KLF7: variants seen among roughly 807,000 people sequenced by gnomAD.
The protein encoded by KLF7 is Krueppel-like factor 7.
A neutral mutation model predicts 27.3 loss-of-function variants in KLF7; 2 were observed. That is an observed-to-expected ratio of 0.07 (90% CI 0.03 to 0.23). The LOEUF is 0.23. Among genes scored for constraint, KLF7 ranks in the 10% least tolerant of loss-of-function variants. The pLI is 1.00. For missense variants in KLF7, 221 were observed against 394.1 expected, an observed-to-expected ratio of 0.56 and a Z score of 3.72; for synonymous variants, 165 against 162.4, an observed-to-expected ratio of 1.02 and a Z score of -0.12.
At chr2:207,157,370 A>AGCATCATCT (rs1278077074) in intron 1 of KLF7, among the ~76,000 whole-genome samples, 1 of 152,126 alleles carries the variant, frequency 6.6e-6, no homozygotes. Context: ...CCCATTTGAA[A>AGCATCATCT]GTTAAGGAAT....
At position 207,074,766 on chromosome 2, in the gene KLF7, C is replaced by A. The variant is rs1443986736; in HGVS notation, c.*6447G>T. On this transcript the variant is annotated 3_prime_UTR_variant, in exon 4 of 4. Coordinates refer to ENST00000309446, the MANE Select transcript of KLF7 (RefSeq NM_003709.4). ...ACCGCTTTCAATAAGCCTCTCCCAACCCCCTAAACAAATAACATCTTGTAA... is the reference window on the plus strand; with the variant it reads ...ACCGCTTTCAATAAGCCTCTCCCAAACCCCTAAACAAATAACATCTTGTAA... 1.3e-5 allele frequency: 2 copies of A among 152,178 alleles called. No individual in the cohort carries two copies. The highest frequency in any genetic ancestry group is 2.4e-5 in the African/African-American group (1 of 41,452). The allele number at this position is 152,178 out of a possible 1,614,324, so 9.4% of individuals were successfully genotyped here.
At chr2:207,092,721 T>G (rs1345139078) in intron 2 of KLF7, among the ~76,000 whole-genome samples, 1 of 152,212 alleles carries the variant, frequency 6.6e-6, no homozygotes, top group East Asian at 1.9e-4. Context: ...ATCATCAGAA[T>G]TGACTGATCA....
In KLF7 at chr2:207,099,551, G is replaced by GATACATATATATATATATAT. The variant is rs2076709490; in HGVS notation, c.734-10971_734-10970insATATATATATATATATGTAT. 3.5e-5 allele frequency among the ~76,000 whole-genome samples: 2 copies of GATACATATATATATATATAT among 57,568 alleles called. 1 individual carries two copies. Among genetic ancestry groups the GATACATATATATATATATAT allele is most frequent in the Non-Finnish European group, 6.7e-5 (2 of 29,882 alleles). The allele number at this position is 57,568 out of a possible 152,430, so 37.8% of individuals were successfully genotyped here. ...AAAGTTAACTTTCTGCTACATATGC[G>GATACATATATATATATATAT]ATATATATATATATATATATATGAA... On this transcript the variant is annotated intron_variant, in intron 2 of 3. Transcript: ENST00000309446.
intron 1 of KLF7, among the ~76,000 whole-genome samples, chr2:207,140,848 T>A (rs1052048245): frequency 6.6e-6 from 1 of 152,146 alleles, no homozygotes; most frequent in African/African-American, 2.4e-5. Context: ...CAATTAAGTA[T>A]CTCATTGTAA....
chr2:207,149,499 C>T (rs140153191), intron 1 of KLF7, among the ~76,000 whole-genome samples: 2,502 of 152,362 alleles, frequency 0.016, 33 homozygotes, highest in Non-Finnish European at 0.026. Flanking sequence ...GTGCTGTCCA[C>T]TGTTGATAAG....
chr2:207,134,254 C>T (rs2077721541), intron 1 of KLF7: 1 of 735,638 alleles, frequency 1.4e-6, no homozygotes, highest in African/African-American at 1.8e-5. Flanking sequence ...ATACCCTTCC[C>T]CTACCCCCAT....
rs1491431908 is a variant in KLF7 at position 207,113,620 on chromosome 2, G to GGGA, written c.733+10153_733+10154insTCC. Among the ~76,000 whole-genome samples the GGGA allele has an allele frequency of 2.3e-3, 244 of 107,742 alleles. 7 individuals are homozygous for GGGA. The highest frequency in any genetic ancestry group is 6.1e-3 in the African/African-American group (181 of 29,734). 70.7% of individuals were successfully genotyped at this position (107,742 alleles called of 152,430 possible). On this transcript the variant is annotated intron_variant, in intron 2 of 3. Transcript: ENST00000309446. ...TGGAATGGGGGGTGGGGGGGGGGGG[G>GGGA]AAATGATGCAGTTACCTAGCAACCA...
At chr2:207,134,160 T>TTTTC (rs1256023186) in intron 1 of KLF7, 6 of 1,475,194 alleles carry the variant, frequency 4.1e-6, no homozygotes, top group Non-Finnish European at 5.4e-6. Flanking sequence ...TGGGATTTTT[T>TTTTC]TTTTTTTTTT....
chr2:207,170,596 A>C (rs1372487804), upstream of KLF7, among the ~76,000 whole-genome samples: 1 of 152,198 alleles, frequency 6.6e-6, no homozygotes, highest in Non-Finnish European at 1.5e-5. Context: ...GTTAGGATCT[A>C]ATGCACCTGG....
intron 1 of KLF7, 108 bp from the exon 2 acceptor site, chr2:207,124,512 G>T: frequency 1.9e-6 from 2 of 1,073,006 alleles, no homozygotes; most frequent in Non-Finnish European, 2.7e-6. Flanking sequence ...TGGTGTCATG[G>T]CTTGTATCAG....
chr2:207,161,816 G>A (rs2078555870), intron 1 of KLF7, among the ~76,000 whole-genome samples: 1 of 152,112 alleles, frequency 6.6e-6, no homozygotes, highest in African/African-American at 2.4e-5. Context: ...AAACAATAGG[G>A]GAATGGGGGA....
chr2:207,081,021 A>G lies in KLF7; in HGVS notation c.*192T>C, dbSNP rs2076257290. The G allele has an allele frequency of 3.2e-6, 2 of 632,854 alleles. No individual in the cohort carries two copies. Among genetic ancestry groups the G allele is most frequent in the Non-Finnish European group, 5.7e-6 (2 of 352,566 alleles). 39.2% of individuals were successfully genotyped at this position (632,854 alleles called of 1,614,324 possible). On this transcript the variant is annotated 3_prime_UTR_variant, in exon 4 of 4. Transcript: ENST00000309446. ...ATATATTTTAAATATAGTTGAGTGC[A>G]TGACAGTGTGTATGTGTGTGGGTCT... is the stretch of plus-strand genomic sequence containing the variant.
At chr2:207,088,308 C>A in intron 3 of KLF7, 150 bp downstream of exon 3, 1 of 879,622 alleles carries the variant, frequency 1.1e-6, no homozygotes. Flanking sequence ...CCCCTCTTCT[C>A]ACTGGTCCTC....
intron 1 of KLF7, among the ~76,000 whole-genome samples, chr2:207,164,325 C>A (rs2078635438): frequency 6.6e-6 from 1 of 152,156 alleles, no homozygotes; most frequent in African/African-American, 2.4e-5. Flanking sequence ...CACAGCCCTC[C>A]CCCCAAGGGC....
intron 3 of KLF7, among the ~76,000 whole-genome samples, chr2:207,082,088 T>C (rs2076286183): frequency 6.6e-6 from 1 of 152,186 alleles, no homozygotes; most frequent in Non-Finnish European, 1.5e-5. Flanking sequence ...GCCTTCTTCA[T>C]GTCAGAGTGG....
chr2:207,111,442 G>A (rs1044154437), intron 2 of KLF7, among the ~76,000 whole-genome samples: 2 of 152,200 alleles, frequency 1.3e-5, no homozygotes, highest in Admixed American at 6.5e-5. Flanking sequence ...GCTGCCCCAC[G>A]CAAAGGGTAC....
chr2:207,164,597 T>C (rs183415962), intron 1 of KLF7, among the ~76,000 whole-genome samples: 23 of 152,264 alleles, frequency 1.5e-4, no homozygotes, highest in Admixed American at 8.5e-4. Flanking sequence ...CCAGTGAACT[T>C]GTCACCAGCC....
upstream of KLF7, among the ~76,000 whole-genome samples, chr2:207,170,305 T>C (rs2078776318): frequency 6.6e-6 from 1 of 152,042 alleles, no homozygotes; most frequent in African/African-American, 2.4e-5. Context: ...TTACGAAGGA[T>C]GAGAGAGGTG....
At chr2:207,170,854 A>C (rs145760084), upstream of KLF7, among the ~76,000 whole-genome samples, 12 of 152,032 alleles carry the variant, frequency 7.9e-5, no homozygotes, top group African/African-American at 2.9e-4. Flanking sequence ...GAGATATATA[A>C]GGAGTTGTAC....
Sources: gnomAD v4.1 joint callset for allele counts (sites outside exome capture counted in the v4.1 genomes callset) on GRCh38, gnomAD v4.1.1 for gene constraint, MANE v1.5 for transcripts, NCBI Gene and HGNC (gene_info 2026-07-23, HGNC 2026-07-21) for gene names.